Variants in HS6ST3 observed in about 807,000 individuals in gnomAD.
HS6ST3 encodes the protein heparan-sulfate 6-O-sulfotransferase 3.
HS6ST3 carries 12 observed loss-of-function variants against 36.7 expected under a neutral mutation model. That is an observed-to-expected ratio of 0.33 (90% CI 0.21 to 0.53). The LOEUF is 0.53. Among genes scored for constraint, HS6ST3 ranks in the 20% least tolerant of loss-of-function variants. The probability of loss-of-function intolerance (pLI) is 0.95; values close to 1 mark genes in which losing one functional copy is unlikely to be tolerated. For missense variants in HS6ST3, 584 were observed against 640.9 expected (o/e 0.91, Z 0.96); for synonymous variants, 240 against 257.5 (o/e 0.93, Z 0.65).
chr13:96,543,651 C>T (rs544227442), intron 1 of HS6ST3, among the ~76,000 whole-genome samples: 5 of 152,250 alleles, frequency 3.3e-5, no homozygotes, highest in African/African-American at 1.2e-4. Context: ...AATTTCTTCA[C>T]CTGGGCATTC....
intron 1 of HS6ST3, among the ~76,000 whole-genome samples, chr13:96,743,950 T>C (rs1404065844): frequency 6.6e-6 from 1 of 152,062 alleles, no homozygotes; most frequent in Non-Finnish European, 1.5e-5. Context: ...CGTGCTTTTT[T>C]CTTTTTCTTC....
intron 1 of HS6ST3, among the ~76,000 whole-genome samples, chr13:96,497,687 T>C (rs1785326840): frequency 6.6e-6 from 1 of 152,168 alleles, no homozygotes; most frequent in Admixed American, 6.5e-5. Context: ...TGGTTTCCCA[T>C]TGCCCCTAGG....
chr13:96,711,964 G>A (rs1030249209), intron 1 of HS6ST3, among the ~76,000 whole-genome samples: 2 of 152,194 alleles, frequency 1.3e-5, no homozygotes, highest in Non-Finnish European at 2.9e-5. Flanking sequence ...AGATCAGTTA[G>A]TATTCTACTT....
intron 1 of HS6ST3, among the ~76,000 whole-genome samples, chr13:96,298,334 C>T (rs1458783840): frequency 1.3e-5 from 2 of 152,146 alleles, no homozygotes; most frequent in Non-Finnish European, 2.9e-5. Flanking sequence ...ACACAAAACA[C>T]ATAGCATGTG....
intron 1 of HS6ST3, among the ~76,000 whole-genome samples, chr13:96,689,734 A>G (rs1874897237): frequency 6.6e-6 from 1 of 151,584 alleles, no homozygotes; most frequent in South Asian, 2.1e-4. Flanking sequence ...TGTGAAGAAA[A>G]GAGAGCGGCT....
intron 1 of HS6ST3, among the ~76,000 whole-genome samples, chr13:96,332,813 T>C (rs1421141824): frequency 1.3e-5 from 2 of 152,252 alleles, no homozygotes; most frequent in Admixed American, 1.3e-4. Flanking sequence ...TACATTGTCC[T>C]GGATATTTGT....
chr13:96,397,477 A>G (rs1291052537), intron 1 of HS6ST3, among the ~76,000 whole-genome samples: 3 of 152,182 alleles, frequency 2.0e-5, no homozygotes, highest in Non-Finnish European at 4.4e-5. Flanking sequence ...ATAAATGCCC[A>G]CTTCTTTGAC....
chr13:96,801,080 A>G (rs1878056033), intron 1 of HS6ST3, among the ~76,000 whole-genome samples: 1 of 152,098 alleles, frequency 6.6e-6, no homozygotes, highest in Non-Finnish European at 1.5e-5. Context: ...GTCTTTTAGC[A>G]GCATTTGACG....
intron 1 of HS6ST3, among the ~76,000 whole-genome samples, chr13:96,174,926 T>C (rs936563312): frequency 3.9e-4 from 59 of 152,186 alleles, no homozygotes; most frequent in African/African-American, 1.2e-3. Context: ...GTGTTTCTAA[T>C]AGTGTTGCTT....
At chr13:96,465,851 T>C (rs1273535806) in intron 1 of HS6ST3, among the ~76,000 whole-genome samples, 3 of 152,216 alleles carry the variant, frequency 2.0e-5, no homozygotes, top group Non-Finnish European at 4.4e-5. Context: ...CTATGAGCCA[T>C]AGAATTAAAA....
chr13:96,327,677 C>T (rs2055040484), intron 1 of HS6ST3, among the ~76,000 whole-genome samples: 2 of 151,524 alleles, frequency 1.3e-5, no homozygotes, highest in African/African-American at 2.4e-5. Context: ...TTTTTTGGTT[C>T]CATATGAACT....
chr13:96,314,071 C>T (rs1226355271), intron 1 of HS6ST3, among the ~76,000 whole-genome samples: 1 of 152,104 alleles, frequency 6.6e-6, no homozygotes, highest in Non-Finnish European at 1.5e-5. Context: ...AATGATGGTG[C>T]ATGTCTGTAG....
intron 1 of HS6ST3, among the ~76,000 whole-genome samples, chr13:96,757,973 G>A (rs1422134084): frequency 1.3e-5 from 2 of 152,008 alleles, no homozygotes; most frequent in African/African-American, 4.8e-5. Context: ...GGTCTCATAT[G>A]TAGAGGTGTA....
At chr13:96,154,478 A>C (rs2054101293) in intron 1 of HS6ST3, among the ~76,000 whole-genome samples, 1 of 152,158 alleles carries the variant, frequency 6.6e-6, no homozygotes, top group Non-Finnish European at 1.5e-5. Flanking sequence ...TTCATCTATT[A>C]ATGATGGTGA....
intron 1 of HS6ST3, among the ~76,000 whole-genome samples, chr13:96,112,588 T>C (rs1465961379): frequency 0.011 from 638 of 55,602 alleles, 89 homozygotes; most frequent in Middle Eastern, 0.028. Context: ...AATATATATA[T>C]ATATATATAT....
chr13:96,279,872 C>T (rs1471001446), intron 1 of HS6ST3, among the ~76,000 whole-genome samples: 1 of 152,272 alleles, frequency 6.6e-6, no homozygotes, highest in South Asian at 2.1e-4. Flanking sequence ...AGTGTCACCT[C>T]ATAAAACTAT....
At chr13:96,132,032 T>C (rs1481030652) in intron 1 of HS6ST3, among the ~76,000 whole-genome samples, 1 of 152,048 alleles carries the variant, frequency 6.6e-6, no homozygotes, top group African/African-American at 2.4e-5. Context: ...GTCTGGCTTA[T>C]TTTATATAAC....
intron 1 of HS6ST3, among the ~76,000 whole-genome samples, chr13:96,551,202 G>T (rs2138948577): frequency 6.6e-6 from 1 of 152,276 alleles, no homozygotes; most frequent in Admixed American, 6.5e-5. Context: ...CAAATATAAG[G>T]AAGATTAATA....
intron 1 of HS6ST3, among the ~76,000 whole-genome samples, chr13:96,665,525 A>G (rs1256305483): frequency 6.6e-6 from 1 of 152,246 alleles, no homozygotes; most frequent in Admixed American, 6.5e-5. Context: ...TTATATTTAA[A>G]TAAATTTTGA....
Sources: gnomAD v4.1 joint callset for allele counts (sites outside exome capture counted in the v4.1 genomes callset) on GRCh38, gnomAD v4.1.1 for gene constraint, MANE v1.5 for transcripts, NCBI Gene and HGNC (gene_info 2026-07-23, HGNC 2026-07-21) for gene names.